Variants in DNM3 observed in about 807,000 individuals in gnomAD.
The protein encoded by DNM3 is dynamin-3.
Under a neutral mutation model 101.6 loss-of-function variants are expected in DNM3, and 47 were observed. That is an observed-to-expected ratio of 0.46 (90% CI 0.37 to 0.59). The LOEUF (loss-of-function observed/expected upper bound fraction) is 0.59. DNM3 is among the 20% of genes least tolerant of loss of function. DNM3 has a pLI of 0.00. For missense variants in DNM3, 849 were observed against 1,085.7 expected (o/e 0.78, Z 3.06); for synonymous variants, 385 against 387.9 (o/e 0.99, Z 0.09).
At chr1:172,172,486 A>C in intron 14 of DNM3, among the ~76,000 whole-genome samples, 1 of 151,664 alleles carries the variant, frequency 6.6e-6, no homozygotes, top group East Asian at 1.9e-4. Flanking sequence ...TGCTACTCAG[A>C]TTGGTGCACA....
At chr1:172,145,867 G>C (rs763605582) in intron 14 of DNM3, among the ~76,000 whole-genome samples, 1 of 152,088 alleles carries the variant, frequency 6.6e-6, no homozygotes, top group Non-Finnish European at 1.5e-5. Flanking sequence ...GCCAAGTACC[G>C]CTTGACCAAA....
intron 14 of DNM3, chr1:172,142,065 G>A (rs1261973021): frequency 6.6e-6 from 1 of 151,996 alleles, no homozygotes; most frequent in Non-Finnish European, 1.5e-5. Context: ...TTTCTATGAA[G>A]TGTAGTTTGG....
At chr1:171,973,561 A>C (rs1171421363) in intron 2 of DNM3, among the ~76,000 whole-genome samples, 1 of 149,496 alleles carries the variant, frequency 6.7e-6, no homozygotes, top group Non-Finnish European at 1.5e-5. Flanking sequence ...AACCTATGAA[A>C]GAGACACTAT....
intron 16 of DNM3, among the ~76,000 whole-genome samples, chr1:172,316,033 G>A (rs6696936): frequency 0.22 from 33,842 of 151,972 alleles, 4,161 homozygotes; most frequent in African/African-American, 0.32. Flanking sequence ...GACTAACGGC[G>A]GATCTCTCGG....
At chr1:172,333,392 G>C (rs2066275137) in intron 17 of DNM3, among the ~76,000 whole-genome samples, 1 of 152,028 alleles carries the variant, frequency 6.6e-6, no homozygotes, top group Admixed American at 6.6e-5. Context: ...TTAGTAATGA[G>C]TATAATTGCA....
At chr1:172,334,474 G>A (rs2066331375) in intron 17 of DNM3, among the ~76,000 whole-genome samples, 1 of 152,142 alleles carries the variant, frequency 6.6e-6, no homozygotes. Flanking sequence ...CCCATCAAAT[G>A]TGTCAATAGT....
At chr1:171,859,515 T>C (rs2033962074) in intron 1 of DNM3, among the ~76,000 whole-genome samples, 1 of 152,188 alleles carries the variant, frequency 6.6e-6, no homozygotes, top group African/African-American at 2.4e-5. Context: ...ACAAATATAA[T>C]GGAGAGCTTT....
rs1034042849 is a variant in DNM3, at chr1:172,305,606, G to A, written c.1770-3122G>A. On this transcript the variant is annotated intron_variant, in intron 15 of 20. Transcript: ENST00000627582. ...AAAAGAGAATTTTAGAACAATATCC[G>A]TGATGAACATCGATGCAAAAATCCT... 7.2e-5 allele frequency among the ~76,000 whole-genome samples: 11 copies of A among 152,026 alleles called. No individual in the cohort carries two copies. The East Asian group carries it at 1.2e-3, about 16-fold the overall frequency.
At chr1:172,099,669 G>T (rs1321826991) in intron 13 of DNM3, among the ~76,000 whole-genome samples, 2 of 152,176 alleles carry the variant, frequency 1.3e-5, no homozygotes, top group East Asian at 1.9e-4. Flanking sequence ...AAAAGTTTGT[G>T]CTAGGATTAA....
intron 1 of DNM3, among the ~76,000 whole-genome samples, chr1:171,920,581 T>G (rs1043301722): frequency 1.3e-5 from 2 of 152,204 alleles, no homozygotes; most frequent in African/African-American, 4.8e-5. Flanking sequence ...AGTGAAAAGT[T>G]TATTTTGAAT....
At chr1:172,028,351 T>C (rs2048359451) in intron 4 of DNM3, among the ~76,000 whole-genome samples, 1 of 151,954 alleles carries the variant, frequency 6.6e-6, no homozygotes, top group Non-Finnish European at 1.5e-5. Flanking sequence ...CAGAAATAAA[T>C]AAGTTCTTTG....
intron 1 of DNM3, among the ~76,000 whole-genome samples, chr1:171,914,525 A>G (rs569729081): frequency 3.2e-4 from 49 of 152,192 alleles, no homozygotes; most frequent in African/African-American, 1.1e-3. Context: ...TTTAAATTTT[A>G]TTTTCTTCCA....
chr1:171,950,313 G>A (rs1410922892), intron 2 of DNM3, among the ~76,000 whole-genome samples: 1 of 152,140 alleles, frequency 6.6e-6, no homozygotes, highest in Non-Finnish European at 1.5e-5. Flanking sequence ...TATGCATTCG[G>A]TAGAAACTAT....
intron 2 of DNM3, among the ~76,000 whole-genome samples, chr1:171,932,162 G>A (rs1365081173): frequency 1.4e-5 from 2 of 147,684 alleles, no homozygotes; most frequent in African/African-American, 5.0e-5. Flanking sequence ...TCATTTTTGA[G>A]ATAGGGTCTC....
intron 2 of DNM3, among the ~76,000 whole-genome samples, chr1:171,925,547 G>C (rs1189761720): frequency 6.6e-6 from 1 of 152,092 alleles, no homozygotes; most frequent in African/African-American, 2.4e-5. Flanking sequence ...ACTTTTTAAT[G>C]GGGTTATTTG....
At chr1:171,933,627 C>T (rs573468053) in intron 2 of DNM3, among the ~76,000 whole-genome samples, 4 of 151,896 alleles carry the variant, frequency 2.6e-5, no homozygotes, top group East Asian at 1.9e-4. Context: ...ATGAGTGAGA[C>T]GGGGTGGTAG....
chr1:172,318,651 A>T (rs1347520613), intron 16 of DNM3, among the ~76,000 whole-genome samples: 1 of 152,156 alleles, frequency 6.6e-6, no homozygotes. Flanking sequence ...CTTCAAAGAG[A>T]ATAAAATACC....
chr1:172,298,326 G>A (rs1409295954), intron 15 of DNM3, among the ~76,000 whole-genome samples: 1 of 152,146 alleles, frequency 6.6e-6, no homozygotes, highest in Non-Finnish European at 1.5e-5. Flanking sequence ...GACGCTTTAA[G>A]TGGGCTGGTC....
intron 2 of DNM3, among the ~76,000 whole-genome samples, chr1:171,975,499 C>G (rs192283483): frequency 1.1e-4 from 16 of 152,190 alleles, no homozygotes; most frequent in Middle Eastern, 3.4e-3. Context: ...ATTAGTAAAG[C>G]GTTTAGAATA....
Sources: gnomAD v4.1 joint callset for allele counts (sites outside exome capture counted in the v4.1 genomes callset) on GRCh38, gnomAD v4.1.1 for gene constraint, MANE v1.5 for transcripts, NCBI Gene and HGNC (gene_info 2026-07-23, HGNC 2026-07-21) for gene names.